ABTB2: variants seen among roughly 807,000 people sequenced by gnomAD.
ABTB2 encodes ankyrin repeat and BTB domain containing 2, also known as ankyrin repeat and BTB/POZ domain-containing protein 2.
In ABTB2, 56 loss-of-function variants were observed where a neutral mutation model predicts 104.1. The observed-to-expected ratio is 0.54, with a 90% confidence interval of 0.43 to 0.67. The LOEUF (loss-of-function observed/expected upper bound fraction) is 0.67. ABTB2 is among the 30% of genes least tolerant of loss of function. The pLI is 0.00. For synonymous variants in ABTB2, 606 were observed against 608.2 expected (o/e 1.00, Z 0.05); for missense variants, 1,279 against 1,407.7 (o/e 0.91, Z 1.46).
At chr11:34,323,643 A>G (rs1182823198) in intron 1 of ABTB2, among the ~76,000 whole-genome samples, 1 of 152,136 alleles carries the variant, frequency 6.6e-6, no homozygotes, top group African/African-American at 2.4e-5. Context: ...TCTTCAATAC[A>G]GTTATCACTA....
intron 1 of ABTB2, among the ~76,000 whole-genome samples, chr11:34,330,683 T>C (rs115640821): frequency 0.016 from 2,412 of 152,340 alleles, 62 homozygotes; most frequent in African/African-American, 0.055. Flanking sequence ...AGCAGAGAGA[T>C]AGTTGTCAAT....
intron 2 of ABTB2, among the ~76,000 whole-genome samples, chr11:34,204,092 A>C (rs1298412888): frequency 1.3e-5 from 2 of 152,130 alleles, no homozygotes. Context: ...CTTCAGCCAG[A>C]GGGGCTCTAT....
intron 1 of ABTB2, among the ~76,000 whole-genome samples, chr11:34,240,118 C>T (rs1381982903): frequency 6.6e-6 from 1 of 152,182 alleles, no homozygotes; most frequent in Non-Finnish European, 1.5e-5. Flanking sequence ...CATTATAGCC[C>T]ATTTTTTTCC....
At chr11:34,335,939 C>A in intron 1 of ABTB2, 1 of 653,942 alleles carries the variant, frequency 1.5e-6, no homozygotes, top group South Asian at 1.8e-5. Context: ...AACGTTTTAA[C>A]TAAAGAGTAA....
At chr11:34,182,818 C>G (rs943770772) in intron 3 of ABTB2, among the ~76,000 whole-genome samples, 21 of 152,142 alleles carry the variant, frequency 1.4e-4, no homozygotes, top group African/African-American at 2.2e-4. Context: ...CATCTAGTGG[C>G]TCATCTGCTT....
intron 1 of ABTB2, among the ~76,000 whole-genome samples, chr11:34,268,974 TA>T (rs1854281628): frequency 1.3e-5 from 2 of 152,220 alleles, no homozygotes; most frequent in Admixed American, 6.5e-5. Context: ...TCCGAGGTCC[TA>T]GGGGTTAAGA....
intron 1 of ABTB2, among the ~76,000 whole-genome samples, chr11:34,247,004 T>A (rs1853993679): frequency 6.6e-6 from 1 of 151,930 alleles, no homozygotes; most frequent in Admixed American, 6.6e-5. Flanking sequence ...TGCACCAACA[T>A]GCCCGGCTAA....
chr11:34,290,160 T>A (rs2133092229), intron 1 of ABTB2, among the ~76,000 whole-genome samples: 1 of 152,282 alleles, frequency 6.6e-6, no homozygotes, highest in East Asian at 1.9e-4. Flanking sequence ...GAAACCGAAA[T>A]AATCAAATGG....
chr11:34,239,347 A>T (rs2133062142), intron 1 of ABTB2, among the ~76,000 whole-genome samples: 1 of 151,760 alleles, frequency 6.6e-6, no homozygotes, highest in East Asian at 1.9e-4. Flanking sequence ...CTTTTTTTAA[A>T]TTTATTTTTT....
chr11:34,154,422 C>G lies in ABTB2; in HGVS notation c.2767-44G>C, dbSNP rs1281498720. On this transcript the variant is annotated intron_variant, in intron 15 of 16. Transcript: ENST00000435224. The surrounding 1 kb of genome is among the most constrained non-coding windows in gnomAD (Gnocchi z 4.9). ...AGGTCTTGGGGACCCATGGCCAGAC[C>G]AGTGGCCCAGACAGCACCGAACAGA... The G allele has an allele frequency of 2.8e-6, 4 of 1,412,300 alleles. No homozygotes were observed. The South Asian group carries it at 4.7e-5, about 17-fold the overall frequency. 87.5% of individuals were successfully genotyped at this position (1,412,300 alleles called of 1,614,324 possible). A position where few individuals can be genotyped will look rare whatever the true frequency, so the allele number is the denominator to read the frequency against.
At chr11:34,275,198 C>T (rs541768551) in intron 1 of ABTB2, among the ~76,000 whole-genome samples, 2 of 152,358 alleles carry the variant, frequency 1.3e-5, no homozygotes, top group South Asian at 2.1e-4. Context: ...TGGCTTGGAT[C>T]CATGACAGCA....
intron 1 of ABTB2, among the ~76,000 whole-genome samples, chr11:34,205,658 A>C (rs1400827869): frequency 6.6e-6 from 1 of 152,088 alleles, no homozygotes; most frequent in African/African-American, 2.4e-5. Context: ...CACTTTGGAG[A>C]AAATCTCTGA....
intron 5 of ABTB2, among the ~76,000 whole-genome samples, chr11:34,169,625 C>A (rs1852842303): frequency 6.6e-6 from 1 of 152,138 alleles, no homozygotes; most frequent in African/African-American, 2.4e-5. Flanking sequence ...CAAAAGCTCC[C>A]ACAAAGCCCG....
intron 1 of ABTB2, among the ~76,000 whole-genome samples, chr11:34,210,839 G>A (rs1327642974): frequency 1.3e-5 from 2 of 152,214 alleles, no homozygotes; most frequent in African/African-American, 2.4e-5. Context: ...TCTTAGGTGC[G>A]CGGGAAGCTT....
intron 1 of ABTB2, among the ~76,000 whole-genome samples, chr11:34,315,539 G>A (rs573331989): frequency 2.0e-5 from 3 of 152,272 alleles, no homozygotes; most frequent in East Asian, 1.9e-4. Context: ...CAATTAGATT[G>A]ATTCCAGGGA....
chr11:34,218,697 A>G (rs78977608), intron 1 of ABTB2, among the ~76,000 whole-genome samples: 4,869 of 151,942 alleles, frequency 0.032, 133 homozygotes, highest in East Asian at 0.14. Context: ...TAAAAACACA[A>G]AATTAGCCAG....
chr11:34,322,054 A>C (rs1855011685), intron 1 of ABTB2, among the ~76,000 whole-genome samples: 1 of 152,242 alleles, frequency 6.6e-6, no homozygotes, highest in Admixed American at 6.5e-5. Flanking sequence ...CCTCTGGGAA[A>C]TAACCTGACA....
intron 3 of ABTB2, among the ~76,000 whole-genome samples, chr11:34,196,282 G>A (rs1354549463): frequency 1.3e-5 from 2 of 152,164 alleles, no homozygotes; most frequent in African/African-American, 2.4e-5. Context: ...GACCGGGCGC[G>A]GTGGCTCACG....
chr11:34,165,678 C>T (rs1177001680), intron 7 of ABTB2, among the ~76,000 whole-genome samples: 1 of 152,210 alleles, frequency 6.6e-6, no homozygotes, highest in Non-Finnish European at 1.5e-5. Flanking sequence ...GGATGAGCAG[C>T]ACAGAAAATG....
Sources: allele counts gnomAD v4.1 joint callset (sites outside exome capture counted in the v4.1 genomes callset), GRCh38; gene constraint gnomAD v4.1.1; non-coding constraint Gnocchi (gnomAD v3.1); transcripts MANE v1.5; gene names NCBI Gene and HGNC (gene_info 2026-07-23, HGNC 2026-07-21).